AGXT2: variants seen among roughly 807,000 people sequenced by gnomAD.
AGXT2 encodes alanine--glyoxylate aminotransferase 2, also known as alanine--glyoxylate aminotransferase 2, mitochondrial.
AGXT2 carries 61 observed loss-of-function variants against 62.5 expected under a neutral mutation model. That is an observed-to-expected ratio of 0.98 (90% CI 0.79 to 1.21). The LOEUF (loss-of-function observed/expected upper bound fraction) is 1.21. Among genes scored for constraint, AGXT2 ranks in the 50% most tolerant of loss-of-function variants. AGXT2 has a pLI of 0.00. For synonymous variants in AGXT2, 243 were observed against 218.7 expected, an observed-to-expected ratio of 1.11 and a Z score of -0.98; for missense variants, 666 against 641.5, an observed-to-expected ratio of 1.04 and a Z score of -0.41.
intron 9 of AGXT2, among the ~76,000 whole-genome samples, chr5:35,022,308 G>A (rs1168868029): frequency 6.6e-6 from 1 of 151,950 alleles, no homozygotes; most frequent in African/African-American, 2.4e-5. Flanking sequence ...CAATAGCAAA[G>A]ACTTGGAACC....
chr5:35,013,836 A>G (rs1766740141), intron 10 of AGXT2, 151 bp downstream of exon 10: 4 of 1,212,498 alleles, frequency 3.3e-6, no homozygotes, highest in Non-Finnish European at 4.8e-6. Flanking sequence ...ACAGTCAGGC[A>G]GACAGACTGT....
intron 9 of AGXT2, among the ~76,000 whole-genome samples, chr5:35,021,963 A>G (rs1012504186): frequency 6.6e-6 from 1 of 152,212 alleles, no homozygotes; most frequent in East Asian, 1.9e-4. Context: ...GCCAACAAAC[A>G]CATGAAAAAA....
chr5:35,028,612 AG>A (rs1561226841), intron 7 of AGXT2, among the ~76,000 whole-genome samples: 2,776 of 49,972 alleles, frequency 0.056, 463 homozygotes, highest in Non-Finnish European at 0.063. Flanking sequence ...AGAGAGAGAG[AG>A]AGAGAGAAAT....
rs2047869448 is a variant in AGXT2, at chr5:35,047,118, T to C, written c.88+687A>G. ...TCACTTCCTAGAGGCATGATGAAAA[T>C]TCATGCAGATGCTTTACATCTTTTA... is the stretch of plus-strand genomic sequence containing the variant. On this transcript the variant is annotated intron_variant, in intron 1 of 13. Coordinates refer to ENST00000231420, the MANE Select transcript of AGXT2 (RefSeq NM_031900.4). Among the ~76,000 whole-genome samples, 6 of 152,216 alleles carry C rather than the reference T, an allele frequency of 3.9e-5. No individual in the cohort carries two copies. In the South Asian group the frequency reaches 1.2e-3, roughly 32 times the overall value.
chr5:35,012,184 A>G (rs1406343353), intron 11 of AGXT2, among the ~76,000 whole-genome samples: 1 of 152,030 alleles, frequency 6.6e-6, no homozygotes, highest in Non-Finnish European at 1.5e-5. Context: ...CCACTATACA[A>G]TTCATCCATG....
intron 12 of AGXT2, among the ~76,000 whole-genome samples, chr5:35,006,711 T>C (rs940169081): frequency 5.3e-5 from 8 of 152,130 alleles, no homozygotes; most frequent in African/African-American, 1.9e-4. Flanking sequence ...TATAGATATT[T>C]AAAATTTTGA....
intron 1 of AGXT2, among the ~76,000 whole-genome samples, chr5:35,044,334 G>T (rs1170425291): frequency 6.6e-6 from 1 of 152,188 alleles, no homozygotes; most frequent in Non-Finnish European, 1.5e-5. Flanking sequence ...CTCCAGAGTG[G>T]TCGTTTTCTC....
intron 12 of AGXT2, 95 bp downstream of exon 12, chr5:35,009,905 C>A: frequency 6.5e-7 from 1 of 1,547,256 alleles, no homozygotes; most frequent in Non-Finnish European, 8.9e-7. Context: ...TGTGTCTGCT[C>A]TCTCCTTGAG....
chr5:35,007,891 A>C lies in AGXT2; in HGVS notation c.1338+2109T>G, dbSNP rs372072159. On this transcript the variant is annotated intron_variant, in intron 12 of 13. Coordinates refer to ENST00000231420, the MANE Select transcript of AGXT2 (RefSeq NM_031900.4). Reference sequence around the variant, plus strand: ...CTCCATGATGAGTTGTCACTCCATTAGTTCCTTCTAGAGCTGGCTGTTGAA... The same window carrying C: ...CTCCATGATGAGTTGTCACTCCATTCGTTCCTTCTAGAGCTGGCTGTTGAA... 5.9e-5 allele frequency among the ~76,000 whole-genome samples: 9 copies of C among 152,170 alleles called. No homozygotes were observed. In the East Asian group the frequency reaches 1.7e-3, roughly 29 times the overall value.
At chr5:35,037,486 C>G (rs1767822213) in intron 3 of AGXT2, among the ~76,000 whole-genome samples, 1 of 152,082 alleles carries the variant, frequency 6.6e-6, no homozygotes, top group African/African-American at 2.4e-5. Flanking sequence ...ACATGTATGC[C>G]AGATCAGTAG....
At chr5:35,040,730 T>C (rs1767954421) in intron 1 of AGXT2, 67 bp from the exon 2 acceptor site, 5 of 1,216,204 alleles carry the variant, frequency 4.1e-6, no homozygotes, top group Non-Finnish European at 6.1e-6. Context: ...AAGTCACCTA[T>C]AGTTATCCAA....
At chr5:35,013,265 C>T (rs931287191) in intron 10 of AGXT2, among the ~76,000 whole-genome samples, 3 of 152,106 alleles carry the variant, frequency 2.0e-5, no homozygotes, top group African/African-American at 7.2e-5. Flanking sequence ...GGAGATAGTG[C>T]GTTTAAGTAG....
At chr5:35,032,004 G>A (rs568426595) in intron 7 of AGXT2, among the ~76,000 whole-genome samples, 23 of 147,560 alleles carry the variant, frequency 1.6e-4, no homozygotes, top group Non-Finnish European at 2.8e-4. Context: ...CCAGGTTGGA[G>A]TGCAGTGGCG....
intron 5 of AGXT2, among the ~76,000 whole-genome samples, chr5:35,033,885 C>T (rs1767673315): frequency 6.6e-6 from 1 of 152,120 alleles, no homozygotes; most frequent in Non-Finnish European, 1.5e-5. Context: ...TCAATGAATA[C>T]CAGTCTTCGA....
rs1338136621 is a variant in AGXT2, at chr5:34,998,551, G to T, written c.*168C>A. The T allele has an allele frequency of 3.1e-6, 2 of 640,232 alleles. No homozygotes were observed. The highest frequency in any genetic ancestry group is 3.6e-5 in the African/African-American group (2 of 54,866). The allele number at this position is 640,232 out of a possible 1,614,324, so 39.7% of individuals were successfully genotyped here. On this transcript the variant is annotated 3_prime_UTR_variant, in exon 14 of 14. Coordinates refer to ENST00000231420, the MANE Select transcript of AGXT2 (RefSeq NM_031900.4). ...GAATGGAGTTCTCAAGATAAGAGGG[G>T]CTCTGCTAACAAATATGGTTGGTAG...
intron 11 of AGXT2, among the ~76,000 whole-genome samples, chr5:35,012,093 AG>A (rs1159468646): frequency 6.6e-6 from 1 of 152,084 alleles, no homozygotes; most frequent in Middle Eastern, 3.4e-3. Context: ...GGAAGCTGGG[AG>A]GGGGGTGAGG....
intron 13 of AGXT2, among the ~76,000 whole-genome samples, chr5:35,001,601 T>A (rs906048157): frequency 1.3e-5 from 2 of 152,178 alleles, no homozygotes; most frequent in African/African-American, 4.8e-5. Flanking sequence ...ATGAGTCAGT[T>A]CATGCAAAGT....
chr5:35,019,444 G>A (rs1438781977), intron 9 of AGXT2, among the ~76,000 whole-genome samples: 1 of 150,760 alleles, frequency 6.6e-6, no homozygotes, highest in East Asian at 1.9e-4. Flanking sequence ...TCAACTACAT[G>A]GAAACTGAAC....
At chr5:35,043,197 T>G (rs1415318576) in intron 1 of AGXT2, among the ~76,000 whole-genome samples, 1 of 152,212 alleles carries the variant, frequency 6.6e-6, no homozygotes, top group African/African-American at 2.4e-5. Context: ...TTTTTGGCAT[T>G]TGGAAACTCT....
Sources: allele counts gnomAD v4.1 joint callset (sites outside exome capture counted in the v4.1 genomes callset), GRCh38; gene constraint gnomAD v4.1.1; transcripts MANE v1.5; gene names NCBI Gene and HGNC (gene_info 2026-07-23, HGNC 2026-07-21).